CAMTA1: variants seen among roughly 807,000 people sequenced by gnomAD.
CAMTA1 encodes calmodulin binding transcription activator 1.
A neutral mutation model predicts 170.9 loss-of-function variants in CAMTA1; 27 were observed. The ratio of observed to expected loss-of-function variants is 0.16; its 90% CI spans 0.12 to 0.22. CAMTA1 has a LOEUF of 0.22. Ranked by LOEUF, CAMTA1 falls within the 10% of genes least tolerant of loss-of-function variation. The pLI is 1.00. For synonymous variants in CAMTA1, 833 were observed against 891.5 expected, an observed-to-expected ratio of 0.93 and a Z score of 1.17; for missense variants, 1,619 against 2,217.2, an observed-to-expected ratio of 0.73 and a Z score of 5.42.
chr1:6,958,334 T>A (rs1689810186), intron 3 of CAMTA1, among the ~76,000 whole-genome samples: 2 of 152,234 alleles, frequency 1.3e-5, no homozygotes, highest in African/African-American at 4.8e-5. Flanking sequence ...GCCACAGGTT[T>A]TGAAAACTTT....
intron 3 of CAMTA1, among the ~76,000 whole-genome samples, chr1:6,957,235 C>T (rs1557883912): frequency 2.0e-5 from 3 of 152,146 alleles, no homozygotes; most frequent in Admixed American, 2.0e-4. Flanking sequence ...TGAATGTGGC[C>T]AGCACTGGGA....
intron 5 of CAMTA1, among the ~76,000 whole-genome samples, chr1:7,274,554 A>G (rs1202278074): frequency 1.3e-5 from 2 of 152,226 alleles, no homozygotes; most frequent in Non-Finnish European, 2.9e-5. Flanking sequence ...CAGTAAGGAC[A>G]TTGAAAACTT....
intron 6 of CAMTA1, among the ~76,000 whole-genome samples, chr1:7,583,740 C>T (rs2095282495): frequency 6.6e-6 from 1 of 152,132 alleles, no homozygotes; most frequent in African/African-American, 2.4e-5. Flanking sequence ...CAAGGTCTGC[C>T]CTGGTGCCCA....
intron 3 of CAMTA1, among the ~76,000 whole-genome samples, chr1:7,054,452 C>G (rs907647891): frequency 1.3e-5 from 2 of 152,200 alleles, no homozygotes; most frequent in African/African-American, 4.8e-5. Flanking sequence ...TTTTCTCTTT[C>G]ATTTTTGCAT....
intron 3 of CAMTA1, among the ~76,000 whole-genome samples, chr1:6,892,037 A>G (rs902364023): frequency 6.6e-6 from 1 of 152,128 alleles, no homozygotes; most frequent in Non-Finnish European, 1.5e-5. Flanking sequence ...CAGCCCACCC[A>G]CTTCTGCCAT....
intron 3 of CAMTA1, among the ~76,000 whole-genome samples, chr1:6,885,322 C>G (rs1672908597): frequency 6.6e-6 from 1 of 152,180 alleles, no homozygotes; most frequent in Admixed American, 6.5e-5. Context: ...GGCACACACA[C>G]AATTCTAGTT....
chr1:6,969,812 T>C (rs1035166227), intron 3 of CAMTA1, among the ~76,000 whole-genome samples: 15 of 152,224 alleles, frequency 9.9e-5, no homozygotes, highest in Non-Finnish European at 2.1e-4. Context: ...TGAAATTTAT[T>C]TATTATTATT....
chr1:7,753,972 T>C (rs977193399), intron 21 of CAMTA1, among the ~76,000 whole-genome samples: 3 of 152,188 alleles, frequency 2.0e-5, no homozygotes, highest in African/African-American at 7.2e-5. Flanking sequence ...GGCAGCCTCT[T>C]TCCTTTATTA....
At chr1:7,513,583 T>C (rs999862388) in intron 6 of CAMTA1, among the ~76,000 whole-genome samples, 3 of 152,192 alleles carry the variant, frequency 2.0e-5, no homozygotes, top group Non-Finnish European at 4.4e-5. Context: ...CCTGCCTTCA[T>C]GTTCACATGA....
intron 5 of CAMTA1, among the ~76,000 whole-genome samples, chr1:7,347,590 G>A (rs2084320375): frequency 6.6e-6 from 1 of 152,210 alleles, no homozygotes; most frequent in African/African-American, 2.4e-5. Context: ...TAAAAGCACT[G>A]AAATGTTTTC....
chr1:7,083,857 C>A (rs555094228), intron 3 of CAMTA1, among the ~76,000 whole-genome samples: 2 of 152,138 alleles, frequency 1.3e-5, no homozygotes, highest in African/African-American at 2.4e-5. Flanking sequence ...GTCTTAAAAC[C>A]AAGAGGATTG....
chr1:7,323,176 A>G (rs1426333359), intron 5 of CAMTA1, among the ~76,000 whole-genome samples: 2 of 152,066 alleles, frequency 1.3e-5, no homozygotes, highest in Non-Finnish European at 2.9e-5. Flanking sequence ...ACTACTTTAG[A>G]TGCATCTAGA....
intron 5 of CAMTA1, among the ~76,000 whole-genome samples, chr1:7,416,613 G>A (rs2091194145): frequency 6.6e-6 from 1 of 152,128 alleles, no homozygotes; most frequent in African/African-American, 2.4e-5. Flanking sequence ...AGCTCCATCA[G>A]CTCCATTAAG....
chr1:7,457,906 G>A (rs757141728), intron 5 of CAMTA1, among the ~76,000 whole-genome samples: 52 of 152,102 alleles, frequency 3.4e-4, no homozygotes, highest in Non-Finnish European at 5.0e-4. Context: ...GCGGAGCTCC[G>A]GCCGACCCAG....
intron 5 of CAMTA1, among the ~76,000 whole-genome samples, chr1:7,327,423 AAAGAAAAAAG>A (rs2082756956): frequency 2.0e-5 from 3 of 151,632 alleles, no homozygotes; most frequent in Admixed American, 6.6e-5. Flanking sequence ...AAAAAAAAAA[AAAGAAAAAAG>A]ACCAGGAGGA....
At chr1:7,287,552 G>T (rs1258578416) in intron 5 of CAMTA1, among the ~76,000 whole-genome samples, 1 of 151,974 alleles carries the variant, frequency 6.6e-6, no homozygotes, top group Admixed American at 6.6e-5. Context: ...TAGGCCATGT[G>T]CTGGTAATAA....
At chr1:7,755,171 C>G (rs543304761) in intron 21 of CAMTA1, among the ~76,000 whole-genome samples, 1 of 151,678 alleles carries the variant, frequency 6.6e-6, no homozygotes, top group Non-Finnish European at 1.5e-5. Context: ...ACTAAAGATA[C>G]AAAAAATTAG....
chr1:7,179,833 A>G (rs1212391370), intron 4 of CAMTA1, among the ~76,000 whole-genome samples: 2 of 152,238 alleles, frequency 1.3e-5, no homozygotes, highest in Admixed American at 1.3e-4. Flanking sequence ...AGCTAGGTAA[A>G]GAAACACAAG....
At chr1:7,250,162 C>T (rs1488945567) in intron 5 of CAMTA1, among the ~76,000 whole-genome samples, 2 of 152,188 alleles carry the variant, frequency 1.3e-5, no homozygotes, top group African/African-American at 4.8e-5. Context: ...GCAGAAACAT[C>T]TTGGGATCTT....
Sources: allele counts gnomAD v4.1 joint callset (sites outside exome capture counted in the v4.1 genomes callset), GRCh38; gene constraint gnomAD v4.1.1; transcripts MANE v1.5; gene names NCBI Gene and HGNC (gene_info 2026-07-23, HGNC 2026-07-21).